RIC1: variants seen among roughly 807,000 people sequenced by gnomAD.
The protein encoded by RIC1 is RIC1 partner of RAB6A GEF complex, also known as guanine nucleotide exchange factor subunit RIC1.
In RIC1, 88 loss-of-function variants were observed where a neutral mutation model predicts 169.0. The ratio of observed to expected loss-of-function variants is 0.52; its 90% confidence interval spans 0.44 to 0.62. The LOEUF is 0.62. Among genes scored for constraint, RIC1 ranks in the 20% least tolerant of loss-of-function variants. RIC1 has a pLI of 0.00. For missense variants in RIC1, 1,877 were observed against 1,725.5 expected (o/e 1.09, Z -1.56); for synonymous variants, 790 against 601.5 (o/e 1.31, Z -4.59).
chr9:5,776,755 C>T (rs1244256458), downstream of RIC1, among the ~76,000 whole-genome samples: 1 of 151,690 alleles, frequency 6.6e-6, no homozygotes, highest in Non-Finnish European at 1.5e-5. Context: ...CTGGAGGAAA[C>T]AGCCCATGTC....
chr9:5,703,014 A>G (rs1822332822), intron 3 of RIC1, among the ~76,000 whole-genome samples: 2 of 152,116 alleles, frequency 1.3e-5, no homozygotes, highest in Non-Finnish European at 2.9e-5. Flanking sequence ...GACCCAAACC[A>G]TGTAATTCCA....
At chr9:5,669,303 G>C (rs1340325241) in intron 2 of RIC1, among the ~76,000 whole-genome samples, 1 of 152,056 alleles carries the variant, frequency 6.6e-6, no homozygotes, top group African/African-American at 2.4e-5. Context: ...TTTTCCCTGA[G>C]TCCCCAAAGT....
chr9:5,732,520 C>CA, intron 7 of RIC1, 41 bp downstream of exon 7: 2 of 1,330,524 alleles, frequency 1.5e-6, no homozygotes, highest in South Asian at 1.4e-5. Context: ...AGAGTTGTTG[C>CA]AAAAAATACT....
At chr9:5,693,355 G>C (rs1158316718) in intron 3 of RIC1, among the ~76,000 whole-genome samples, 1 of 152,118 alleles carries the variant, frequency 6.6e-6, no homozygotes. Context: ...TGAGAACACA[G>C]TTCAGATGCC....
At chr9:5,728,252 C>A (rs1247862918) in intron 6 of RIC1, among the ~76,000 whole-genome samples, 1 of 152,258 alleles carries the variant, frequency 6.6e-6, no homozygotes, top group East Asian at 1.9e-4. Flanking sequence ...GGTAGACACC[C>A]CTCCCCCAGC....
At chr9:5,647,732 T>G (rs545842137) in intron 1 of RIC1, among the ~76,000 whole-genome samples, 1 of 152,312 alleles carries the variant, frequency 6.6e-6, no homozygotes, top group African/African-American at 2.4e-5. Flanking sequence ...TAGATTTATT[T>G]TATTTCATTT....
At chr9:5,678,350 T>G (rs1272262140) in intron 2 of RIC1, among the ~76,000 whole-genome samples, 1 of 152,014 alleles carries the variant, frequency 6.6e-6, no homozygotes, top group African/African-American at 2.4e-5. Flanking sequence ...TATAGTCATT[T>G]GGGTATATAC....
intron 3 of RIC1, 146 bp downstream of exon 3, chr9:5,690,184 T>G: frequency 2.1e-6 from 1 of 483,896 alleles, no homozygotes; most frequent in Non-Finnish European, 3.6e-6. Context: ...ACCAGGTCTT[T>G]GAACTGTCAT....
rs549841576 is a variant in RIC1, at chr9:5,747,490, T to C, written c.1437T>C (p.His479=). Residue 479 remains histidine (H), a synonymous_variant, in exon 12 of 26, where the codon CAT becomes CAC. Coordinates refer to ENST00000414202, the MANE Select transcript of RIC1 (RefSeq NM_020829.4). ...QGLSTLLGHR[H]WHVVQISSTY... Reference sequence around the variant, plus strand: ...TAAGCACTTTACTTGGACATCGGCATTGGCATGTTGTACAGGTAAATCTTT... The same window carrying C: ...TAAGCACTTTACTTGGACATCGGCACTGGCATGTTGTACAGGTAAATCTTT... The C allele has an allele frequency of 8.7e-6, 14 of 1,613,840 alleles. No individual in the cohort carries two copies. The East Asian group carries it at 2.7e-4, about 31-fold the overall frequency.
intron 21 of RIC1, among the ~76,000 whole-genome samples, chr9:5,766,892 A>C (rs1826806196): frequency 6.6e-6 from 1 of 152,088 alleles, no homozygotes; most frequent in South Asian, 2.1e-4. Context: ...TGGTAGTTCT[A>C]CTTTTGGTTA....
intron 6 of RIC1, among the ~76,000 whole-genome samples, chr9:5,723,144 A>G (rs1002529638): frequency 6.6e-6 from 1 of 152,214 alleles, no homozygotes; most frequent in African/African-American, 2.4e-5. Context: ...TGTCTTCCAC[A>G]ATGGTTGAAC....
intron 2 of RIC1, among the ~76,000 whole-genome samples, chr9:5,687,968 T>G (rs768664802): frequency 6.6e-6 from 1 of 152,200 alleles, no homozygotes; most frequent in Non-Finnish European, 1.5e-5. Context: ...GCTGTGCTTT[T>G]CTGATCATTG....
chr9:5,676,809 C>G (rs886445270), intron 2 of RIC1, among the ~76,000 whole-genome samples: 1 of 152,180 alleles, frequency 6.6e-6, no homozygotes, highest in Non-Finnish European at 1.5e-5. Context: ...ACACTGTATA[C>G]TTATTTTTTC....
intron 7 of RIC1, among the ~76,000 whole-genome samples, chr9:5,737,602 G>GTGTGTATA (rs71326187): frequency 4.0e-5 from 6 of 150,200 alleles, no homozygotes; most frequent in Non-Finnish European, 7.4e-5. Context: ...ACACACACAT[G>GTGTGTATA]TTTTATATCT....
At chr9:5,728,784 A>G (rs1824171087) in intron 6 of RIC1, among the ~76,000 whole-genome samples, 1 of 152,178 alleles carries the variant, frequency 6.6e-6, no homozygotes, top group African/African-American at 2.4e-5. Context: ...TTCTGTCATA[A>G]TTATCCTGAG....
chr9:5,769,759 C>G, intron 22 of RIC1: 1 of 253,420 alleles, frequency 3.9e-6, no homozygotes, highest in Non-Finnish European at 7.4e-6. Context: ...AATATTGAAA[C>G]CAAAACTTTT....
intron 1 of RIC1, among the ~76,000 whole-genome samples, chr9:5,632,574 AG>A (rs1817768763): frequency 1.3e-5 from 2 of 152,072 alleles, no homozygotes; most frequent in African/African-American, 4.8e-5. Flanking sequence ...TATATTTTGG[AG>A]CCCCCCAAAT....
At chr9:5,681,406 T>A (rs1445240517) in intron 2 of RIC1, among the ~76,000 whole-genome samples, 1 of 152,212 alleles carries the variant, frequency 6.6e-6, no homozygotes, top group Non-Finnish European at 1.5e-5. Context: ...ATTTCTGCCT[T>A]CATTTCGCAG....
intron 7 of RIC1, among the ~76,000 whole-genome samples, chr9:5,734,071 A>G (rs933022393): frequency 5.4e-5 from 8 of 147,132 alleles, no homozygotes; most frequent in African/African-American, 2.0e-4. Flanking sequence ...TTATAAATAT[A>G]TATAATATAT....
Sources: gnomAD v4.1 joint callset for allele counts (sites outside exome capture counted in the v4.1 genomes callset) on GRCh38, gnomAD v4.1.1 for gene constraint, MANE v1.5 for transcripts, NCBI Gene and HGNC (gene_info 2026-07-23, HGNC 2026-07-21) for gene names.